The following XKR9 variants were observed in gnomAD, a reference collection of about 807,000 sequenced individuals.
XKR9 encodes XK-related protein 9.
Under a neutral mutation model 32.0 loss-of-function variants are expected in XKR9, and 32 were observed. The observed-to-expected ratio is 1.00, with a 90% CI of 0.76 to 1.34. The LOEUF is 1.34. Among genes scored for constraint, XKR9 ranks in the 40% most tolerant of loss-of-function variants. The probability of loss-of-function intolerance (pLI) is 0.00; values close to 1 mark genes in which losing one functional copy is unlikely to be tolerated. For missense variants in XKR9, 546 were observed against 429.7 expected (o/e 1.27, Z -2.39); for synonymous variants, 168 against 143.4 (o/e 1.17, Z -1.22).
chr8:70,793,357 C>CAATGGATT (rs929278446), downstream of XKR9, among the ~76,000 whole-genome samples: 1 of 151,920 alleles, frequency 6.6e-6, no homozygotes, highest in Non-Finnish European at 1.5e-5. Context: ...ATACATTAAT[C>CAATGGATT]AATGGATTAA....
the XKR9 span, among the ~76,000 whole-genome samples, chr8:70,886,790 T>C: frequency 1.3e-5 from 2 of 152,164 alleles, no homozygotes; most frequent in Admixed American, 6.6e-5. Flanking sequence ...TATTAGACCT[T>C]TGTCAGGTGG....
At chr8:70,845,941 A>G in the XKR9 span, among the ~76,000 whole-genome samples, 1 of 152,136 alleles carries the variant, frequency 6.6e-6, no homozygotes, top group Non-Finnish European at 1.5e-5. Flanking sequence ...ATACAATTAT[A>G]AGAAGCTTAC....
At chr8:70,882,383 TC>T in the XKR9 span, among the ~76,000 whole-genome samples, 1 of 151,784 alleles carries the variant, frequency 6.6e-6, no homozygotes. Flanking sequence ...TTTCCTCTTT[TC>T]CCCTCTCCTG....
intron 4 of XKR9, among the ~76,000 whole-genome samples, chr8:70,731,599 C>G (rs1806668769): frequency 6.6e-6 from 1 of 152,128 alleles, no homozygotes; most frequent in Non-Finnish European, 1.5e-5. Context: ...CATTCAGCAC[C>G]CAATATCAAC....
At chr8:70,858,336 A>C in the XKR9 span, among the ~76,000 whole-genome samples, 1 of 152,142 alleles carries the variant, frequency 6.6e-6, no homozygotes, top group Non-Finnish European at 1.5e-5. Flanking sequence ...ACAAACAGAG[A>C]GCCAAATCAT....
the XKR9 span, among the ~76,000 whole-genome samples, chr8:71,003,699 C>T: frequency 3.3e-5 from 5 of 151,972 alleles, no homozygotes; most frequent in East Asian, 9.6e-4. Context: ...TACATATGGC[C>T]CCTCTGTCTA....
intron 3 of XKR9, among the ~76,000 whole-genome samples, chr8:70,702,583 C>CT (rs1805577388): frequency 6.6e-6 from 1 of 152,000 alleles, no homozygotes; most frequent in Non-Finnish European, 1.5e-5. Context: ...TCAATTTTTG[C>CT]TTTGTGTACC....
At chr8:70,892,402 T>G in the XKR9 span, among the ~76,000 whole-genome samples, 1 of 152,146 alleles carries the variant, frequency 6.6e-6, no homozygotes, top group Non-Finnish European at 1.5e-5. Flanking sequence ...ATTATTTTCT[T>G]TTTTCCTTTG....
intron 4 of XKR9, among the ~76,000 whole-genome samples, chr8:70,713,879 G>A (rs978596639): frequency 1.3e-5 from 2 of 151,996 alleles, no homozygotes; most frequent in Admixed American, 1.3e-4. Flanking sequence ...TTGCTTGGGC[G>A]GCCATACAGA....
chr8:70,894,638 G>A, the XKR9 span, among the ~76,000 whole-genome samples: 1 of 152,220 alleles, frequency 6.6e-6, no homozygotes, highest in Admixed American at 6.5e-5. Flanking sequence ...CAGCTTAGGT[G>A]CTAGGGTATG....
At chr8:70,779,094 A>G (rs377197357) in intron 2 of XKR9, among the ~76,000 whole-genome samples, 1 of 152,164 alleles carries the variant, frequency 6.6e-6, no homozygotes, top group African/African-American at 2.4e-5. Context: ...TTTGTCATAA[A>G]TAGCTCTTAT....
At chr8:70,760,729 CA>C (rs1267893248) in intron 2 of XKR9, among the ~76,000 whole-genome samples, 1 of 152,138 alleles carries the variant, frequency 6.6e-6, no homozygotes, top group Non-Finnish European at 1.5e-5. Context: ...ATTTTAAGTT[CA>C]GGGGTACATG....
At chr8:70,835,150 T>TA in the XKR9 span, among the ~76,000 whole-genome samples, 2,551 of 152,242 alleles carry the variant, frequency 0.017, 58 homozygotes, top group African/African-American at 0.058. Flanking sequence ...TTAGTTCTGA[T>TA]AGAGTGTCAG....
At chr8:70,856,347 A>G in the XKR9 span, among the ~76,000 whole-genome samples, 1 of 152,148 alleles carries the variant, frequency 6.6e-6, no homozygotes. Context: ...ATAAAACAGA[A>G]TTTAAACCAA....
the XKR9 span, among the ~76,000 whole-genome samples, chr8:70,930,876 G>A: frequency 6.6e-6 from 1 of 152,218 alleles, no homozygotes; most frequent in South Asian, 2.1e-4. Context: ...GGTTTAGAAT[G>A]TTGCAGTCCA....
the XKR9 span, among the ~76,000 whole-genome samples, chr8:71,029,855 G>A: frequency 3.3e-5 from 5 of 151,866 alleles, no homozygotes; most frequent in Non-Finnish European, 7.4e-5. Flanking sequence ...ACCAGAGTGC[G>A]CCTCTAAAGA....
the XKR9 span, among the ~76,000 whole-genome samples, chr8:70,952,948 T>G: frequency 1.3e-5 from 2 of 152,234 alleles, no homozygotes; most frequent in Non-Finnish European, 2.9e-5. Context: ...AAGTATGTGA[T>G]CAGTGAACTC....
intron 2 of XKR9, among the ~76,000 whole-genome samples, chr8:70,772,788 G>A (rs570676402): frequency 6.6e-6 from 1 of 152,108 alleles, no homozygotes; most frequent in Non-Finnish European, 1.5e-5. Context: ...TAATTCATGT[G>A]TTGCAAGTCT....
At chr8:70,848,654 T>TAAAG in the XKR9 span, among the ~76,000 whole-genome samples, 1 of 150,892 alleles carries the variant, frequency 6.6e-6, no homozygotes, top group Non-Finnish European at 1.5e-5. Context: ...GCAAATTGGA[T>TAAAG]AGTCAAAATC....
Sources: allele counts gnomAD v4.1 joint callset (sites outside exome capture counted in the v4.1 genomes callset), GRCh38; gene constraint gnomAD v4.1.1; transcripts MANE v1.5; gene names NCBI Gene and HGNC (gene_info 2026-07-23, HGNC 2026-07-21).